The following GRID2 variants were observed in gnomAD, a reference collection of about 807,000 sequenced individuals.
The protein encoded by GRID2 is glutamate receptor ionotropic, delta-2.
Under a neutral mutation model 114.8 loss-of-function variants are expected in GRID2, and 33 were observed. The ratio of observed to expected loss-of-function variants is 0.29; its 90% CI spans 0.22 to 0.38. GRID2 has a LOEUF of 0.38. GRID2 is among the 10% of genes least tolerant of loss of function. The probability of loss-of-function intolerance (pLI) is 1.00; values close to 1 mark genes in which losing one functional copy is unlikely to be tolerated. For synonymous variants in GRID2, 505 were observed against 449.9 expected, an observed-to-expected ratio of 1.12 and a Z score of -1.55; for missense variants, 1,184 against 1,257.7, an observed-to-expected ratio of 0.94 and a Z score of 0.89.
intron 2 of GRID2, among the ~76,000 whole-genome samples, chr4:93,045,162 TTC>T (rs1726009512): frequency 1.3e-5 from 2 of 152,146 alleles, no homozygotes; most frequent in South Asian, 4.1e-4. Flanking sequence ...CTATGTCTAA[TTC>T]TGTTTCATGT....
chr4:92,940,886 G>A (rs1751064262), intron 2 of GRID2, among the ~76,000 whole-genome samples: 2 of 152,252 alleles, frequency 1.3e-5, no homozygotes, highest in South Asian at 4.1e-4. Context: ...ATTTGCATAT[G>A]TTGAACCAGC....
intron 2 of GRID2, among the ~76,000 whole-genome samples, chr4:92,739,244 T>C (rs1459007596): frequency 6.6e-6 from 1 of 152,198 alleles, no homozygotes; most frequent in African/African-American, 2.4e-5. Flanking sequence ...TTAGCTCTTT[T>C]GTGTCATTTA....
chr4:92,954,413 G>GTTTTA (rs199836628), intron 2 of GRID2, among the ~76,000 whole-genome samples: 5,736 of 151,150 alleles, frequency 0.038, 121 homozygotes, highest in Middle Eastern at 0.062. Flanking sequence ...TGTTTCTGCA[G>GTTTTA]TTTTATTTTA....
intron 2 of GRID2, among the ~76,000 whole-genome samples, chr4:92,766,592 G>A (rs1304806511): frequency 6.7e-6 from 1 of 148,906 alleles, no homozygotes; most frequent in African/African-American, 2.5e-5. Flanking sequence ...ATGTATGAAT[G>A]AATAAGTTGA....
chr4:92,852,170 G>A (rs1242108902), intron 2 of GRID2, among the ~76,000 whole-genome samples: 2 of 151,894 alleles, frequency 1.3e-5, no homozygotes, highest in South Asian at 2.1e-4. Flanking sequence ...GGAGGGGGGT[G>A]TATTTGTGGC....
chr4:92,841,599 C>A (rs1742900357), intron 2 of GRID2, among the ~76,000 whole-genome samples: 1 of 151,708 alleles, frequency 6.6e-6, no homozygotes, highest in Admixed American at 6.6e-5. Flanking sequence ...GTCCTTTTTC[C>A]TACAAACAGG....
intron 14 of GRID2, among the ~76,000 whole-genome samples, chr4:93,653,911 C>A (rs1486416983): frequency 1.3e-5 from 2 of 152,112 alleles, no homozygotes; most frequent in African/African-American, 4.8e-5. Context: ...CTTTATTTGC[C>A]ATCTATGAAA....
At chr4:92,355,063 C>T (rs891055027) in intron 1 of GRID2, among the ~76,000 whole-genome samples, 1 of 151,932 alleles carries the variant, frequency 6.6e-6, no homozygotes, top group Non-Finnish European at 1.5e-5. Context: ...GACTCCTCCT[C>T]ATTATCCTAG....
At chr4:93,303,903 C>T (rs1755139263) in intron 8 of GRID2, among the ~76,000 whole-genome samples, 1 of 151,972 alleles carries the variant, frequency 6.6e-6, no homozygotes, top group Non-Finnish European at 1.5e-5. Context: ...ACAAATATTG[C>T]TTTTTAATTT....
intron 14 of GRID2, among the ~76,000 whole-genome samples, chr4:93,671,137 A>G (rs1724374203): frequency 6.6e-6 from 1 of 152,178 alleles, no homozygotes; most frequent in South Asian, 2.1e-4. Flanking sequence ...CTGCTGGAAA[A>G]GGGTCTGACA....
At chr4:93,778,567 T>C (rs1384039782), downstream of GRID2, among the ~76,000 whole-genome samples, 2 of 152,020 alleles carry the variant, frequency 1.3e-5, no homozygotes, top group Non-Finnish European at 2.9e-5. Context: ...CAGCTAATTT[T>C]TGGTATTTTT....
At chr4:93,108,159 T>A (rs914895330) in intron 3 of GRID2, among the ~76,000 whole-genome samples, 1 of 152,188 alleles carries the variant, frequency 6.6e-6, no homozygotes, top group Non-Finnish European at 1.5e-5. Flanking sequence ...ATACTAGTTT[T>A]GCAGAGAAAC....
At chr4:93,514,526 T>C (rs1193101361) in intron 12 of GRID2, among the ~76,000 whole-genome samples, 1 of 151,768 alleles carries the variant, frequency 6.6e-6, no homozygotes, top group Non-Finnish European at 1.5e-5. Flanking sequence ...TTGGAAATAC[T>C]ATGGTCTTTG....
At chr4:92,480,077 A>T (rs1722506602) in intron 1 of GRID2, among the ~76,000 whole-genome samples, 1 of 152,068 alleles carries the variant, frequency 6.6e-6, no homozygotes, top group Non-Finnish European at 1.5e-5. Flanking sequence ...TTTTCTTACA[A>T]TTTCTGTGTA....
In GRID2 at chr4:92,693,334, T is replaced by C. The variant is rs1406122033; in HGVS notation, c.244+103048T>C. ...ACTGTTACCCCGAATCTTAGAACTG[T>C]AGTGATTTCTAAATTAAAAATCCTG... On this transcript the variant is annotated intron_variant, in intron 2 of 15. Transcript: ENST00000282020. 6.6e-5 allele frequency among the ~76,000 whole-genome samples: 10 copies of C among 152,312 alleles called. No homozygotes were observed. In the East Asian group the frequency reaches 1.9e-3, roughly 29 times the overall value.
At chr4:93,044,500 A>G (rs534378569) in intron 2 of GRID2, among the ~76,000 whole-genome samples, 1 of 152,314 alleles carries the variant, frequency 6.6e-6, no homozygotes, top group African/African-American at 2.4e-5. Context: ...ATAAGCATTT[A>G]TAAGGAATAA....
chr4:92,488,141 A>G (rs1560665189), intron 1 of GRID2, among the ~76,000 whole-genome samples: 1 of 152,154 alleles, frequency 6.6e-6, no homozygotes, highest in Non-Finnish European at 1.5e-5. Flanking sequence ...CACTTTCTAT[A>G]AAGGTATAAT....
intron 2 of GRID2, among the ~76,000 whole-genome samples, chr4:92,860,679 T>A (rs539582031): frequency 6.6e-5 from 10 of 152,256 alleles, no homozygotes; most frequent in African/African-American, 2.2e-4. Context: ...AGTTTATTTA[T>A]CCTATTCATT....
At chr4:92,842,245 A>G (rs565542992) in intron 2 of GRID2, among the ~76,000 whole-genome samples, 2 of 152,238 alleles carry the variant, frequency 1.3e-5, no homozygotes, top group East Asian at 3.9e-4. Context: ...GTTTTACTTG[A>G]AAGGACTTAT....
Sources: allele counts gnomAD v4.1 joint callset (sites outside exome capture counted in the v4.1 genomes callset), GRCh38; gene constraint gnomAD v4.1.1; transcripts MANE v1.5; gene names NCBI Gene and HGNC (gene_info 2026-07-23, HGNC 2026-07-21).